Variants in CLVS1 observed in about 807,000 individuals in gnomAD.
CLVS1 encodes clavesin 1.
CLVS1 carries 10 observed loss-of-function variants against 33.1 expected under a neutral mutation model. That is an observed-to-expected ratio of 0.30 (90% confidence interval 0.19 to 0.51). CLVS1 has a LOEUF of 0.51. Among genes scored for constraint, CLVS1 ranks in the 20% least tolerant of loss-of-function variants. The pLI is 0.97. For synonymous variants in CLVS1, 163 were observed against 166.1 expected (o/e 0.98, Z 0.14); for missense variants, 343 against 433.4 (o/e 0.79, Z 1.85).
At chr8:61,389,972 C>A (rs1012370596) in intron 3 of CLVS1, among the ~76,000 whole-genome samples, 3 of 152,050 alleles carry the variant, frequency 2.0e-5, no homozygotes, top group Non-Finnish European at 4.4e-5. Flanking sequence ...AAGAAAGAGC[C>A]CTTTGAAGGT....
chr8:61,470,165 C>A (rs1230396878), intron 5 of CLVS1, among the ~76,000 whole-genome samples: 1 of 152,168 alleles, frequency 6.6e-6, no homozygotes, highest in Non-Finnish European at 1.5e-5. Context: ...GCTTTCTTTT[C>A]TGTGGCATAA....
At chr8:60,984,717 A>G in the CLVS1 span, among the ~76,000 whole-genome samples, 3 of 152,316 alleles carry the variant, frequency 2.0e-5, no homozygotes, top group East Asian at 5.8e-4. Flanking sequence ...GCAGTGTGCT[A>G]AGCATGGTAC....
At chr8:61,262,506 A>G (rs532434778) in intron 2 of CLVS1, among the ~76,000 whole-genome samples, 32 of 152,234 alleles carry the variant, frequency 2.1e-4, no homozygotes, top group African/African-American at 7.7e-4. Context: ...CACTATCTCA[A>G]AAAAAAGTAG....
At chr8:61,484,402 A>T (rs2640231) in intron 5 of CLVS1, among the ~76,000 whole-genome samples, 111,708 of 151,532 alleles carry the variant, frequency 0.74, 43,033 homozygotes, top group Non-Finnish European at 0.86. Flanking sequence ...TGAAGGACTT[A>T]TTCAAGGAGA....
chr8:61,057,824 C>T (rs371062499), intron 1 of CLVS1, among the ~76,000 whole-genome samples: 2 of 152,222 alleles, frequency 1.3e-5, no homozygotes, highest in Admixed American at 1.3e-4. Context: ...TTTTATGATG[C>T]CTTTATATAT....
intron 2 of CLVS1, among the ~76,000 whole-genome samples, chr8:61,148,474 C>T (rs1806460575): frequency 6.6e-6 from 1 of 152,176 alleles, no homozygotes; most frequent in African/African-American, 2.4e-5. Context: ...TGCCCCTCCC[C>T]ACTCTCATTG....
chr8:61,064,536 C>CTTTT (rs1563389429), intron 1 of CLVS1, among the ~76,000 whole-genome samples: 5 of 141,444 alleles, frequency 3.5e-5, no homozygotes, highest in Non-Finnish European at 3.0e-5. Context: ...GTTCTTTGCC[C>CTTTT]ATTTTTTTTT....
chr8:61,394,148 A>G (rs1197557086), intron 3 of CLVS1, among the ~76,000 whole-genome samples: 1 of 152,222 alleles, frequency 6.6e-6, no homozygotes, highest in East Asian at 1.9e-4. Context: ...GGAGTTCTAG[A>G]CCAGCCTTGC....
Position 61,500,210 on chromosome 8 carries a change from A to AAGAC in CLVS1, c.*670_*673dup, listed in dbSNP as rs1307333500. 6.6e-6 allele frequency: 1 copy of AAGAC among 152,484 alleles called. No individual in the cohort carries two copies. The highest frequency in any genetic ancestry group is 1.5e-5 in the Non-Finnish European group (1 of 68,050). 9.4% of individuals were successfully genotyped at this position (152,484 alleles called of 1,614,324 possible). On this transcript the variant is annotated 3_prime_UTR_variant, in exon 6 of 6. Coordinates refer to ENST00000325897, the MANE Select transcript of CLVS1 (RefSeq NM_173519.3). The stretch of plus-strand genomic sequence containing the variant: ...GACTGTCATGAGCTGACGTTAAAGG[A>AAGAC]AGACACATGGACGTGAAATACGATT...
intron 3 of CLVS1, among the ~76,000 whole-genome samples, chr8:61,449,382 G>A (rs1028970204): frequency 6.6e-6 from 1 of 152,240 alleles, no homozygotes; most frequent in African/African-American, 2.4e-5. Context: ...CACTGCCAGT[G>A]TGAAATAGGG....
intron 2 of CLVS1, among the ~76,000 whole-genome samples, chr8:61,329,286 T>G (rs1236113210): frequency 6.6e-6 from 1 of 152,156 alleles, no homozygotes; most frequent in African/African-American, 2.4e-5. Context: ...TTCTAGCATT[T>G]ACTTGCATAT....
the CLVS1 span, among the ~76,000 whole-genome samples, chr8:61,051,765 C>G: frequency 6.6e-6 from 1 of 152,240 alleles, no homozygotes; most frequent in Non-Finnish European, 1.5e-5. Context: ...CCTGCTTGGA[C>G]CTGGCATCTG....
At chr8:61,202,832 A>C (rs1413912902) in intron 2 of CLVS1, 4 of 1,028,338 alleles carry the variant, frequency 3.9e-6, no homozygotes, top group African/African-American at 1.6e-5. Context: ...CTTGCTGCTG[A>C]TGAAGATGAT....
chr8:61,036,526 G>T, the CLVS1 span, among the ~76,000 whole-genome samples: 1 of 152,286 alleles, frequency 6.6e-6, no homozygotes, highest in East Asian at 1.9e-4. Context: ...GTTGACTATG[G>T]CTTGACTTTT....
At chr8:61,445,749 C>G (rs868156236) in intron 3 of CLVS1, among the ~76,000 whole-genome samples, 1 of 152,196 alleles carries the variant, frequency 6.6e-6, no homozygotes, top group Non-Finnish European at 1.5e-5. Context: ...AGTGTTAATT[C>G]TTCTGTAAAA....
chr8:61,216,984 A>G (rs1203238901), intron 2 of CLVS1, among the ~76,000 whole-genome samples: 1 of 152,220 alleles, frequency 6.6e-6, no homozygotes, highest in Non-Finnish European at 1.5e-5. Context: ...TCTCCATTAC[A>G]CGTGAAAAGT....
At chr8:61,369,145 C>G (rs1369508756) in intron 2 of CLVS1, among the ~76,000 whole-genome samples, 1 of 152,092 alleles carries the variant, frequency 6.6e-6, no homozygotes, top group Non-Finnish European at 1.5e-5. Flanking sequence ...GGCTTCTGTT[C>G]TCTTTGTGAC....
chr8:61,496,957 A>C (rs1804287617), intron 5 of CLVS1, among the ~76,000 whole-genome samples: 1 of 152,120 alleles, frequency 6.6e-6, no homozygotes, highest in Non-Finnish European at 1.5e-5. Context: ...AGTTTTTTAG[A>C]TGGAAAAAAC....
chr8:61,357,948 A>C (rs1812812504), intron 2 of CLVS1, among the ~76,000 whole-genome samples: 1 of 152,172 alleles, frequency 6.6e-6, no homozygotes, highest in Non-Finnish European at 1.5e-5. Flanking sequence ...CCACTGTGAT[A>C]TTCAGACAGG....
Sources: gnomAD v4.1 joint callset for allele counts (sites outside exome capture counted in the v4.1 genomes callset) on GRCh38, gnomAD v4.1.1 for gene constraint, MANE v1.5 for transcripts, NCBI Gene and HGNC (gene_info 2026-07-23, HGNC 2026-07-21) for gene names.